The following AFDN variants were observed in gnomAD, a reference collection of about 807,000 sequenced individuals.
AFDN encodes the protein afadin.
A neutral mutation model predicts 216.6 loss-of-function variants in AFDN; 68 were observed. That is an observed-to-expected ratio of 0.31 (90% CI 0.26 to 0.38). The LOEUF (loss-of-function observed/expected upper bound fraction) is 0.38, where lower values mean the gene tolerates loss of function less well. AFDN is among the 10% of genes least tolerant of loss of function. The pLI is 1.00. For missense variants in AFDN, 2,136 were observed against 2,342.0 expected, an observed-to-expected ratio of 0.91 and a Z score of 1.82; for synonymous variants, 868 against 853.7, an observed-to-expected ratio of 1.02 and a Z score of -0.29.
At chr6:167,914,854 G>A in intron 18 of AFDN, 116 bp downstream of exon 18, 1 of 724,770 alleles carries the variant, frequency 1.4e-6, no homozygotes, top group African/African-American at 1.8e-5. Flanking sequence ...TGTCCTTTTG[G>A]GTTTGGCAAT....
intron 2 of AFDN, 116 bp downstream of exon 2, chr6:167,864,862 T>G (rs1783995959): frequency 9.1e-7 from 1 of 1,099,250 alleles, no homozygotes; most frequent in African/African-American, 1.5e-5. Context: ...TTTCTTCTCT[T>G]TTGGTGGGTA....
intron 2 of AFDN, among the ~76,000 whole-genome samples, chr6:167,870,176 G>A (rs1463313168): frequency 6.6e-6 from 1 of 152,134 alleles, no homozygotes; most frequent in African/African-American, 2.4e-5. Flanking sequence ...TCTGTTCAGT[G>A]TCTGGCACTG....
intron 30 of AFDN, among the ~76,000 whole-genome samples, chr6:167,957,991 T>C (rs1383447970): frequency 2.6e-5 from 4 of 152,150 alleles, no homozygotes; most frequent in Admixed American, 2.0e-4. Flanking sequence ...AAACCCACCA[T>C]GGGAGAGACT....
At chr6:167,834,151 AC>A (rs752589867) in intron 1 of AFDN, among the ~76,000 whole-genome samples, 1 of 152,094 alleles carries the variant, frequency 6.6e-6, no homozygotes, top group Non-Finnish European at 1.5e-5. Flanking sequence ...GTATATGGTT[AC>A]TTGAGTAAGT....
rs1187547184 is a variant in AFDN, at chr6:167,911,417, C to T, written c.1965C>T (p.Ser655=). 1.2e-6 allele frequency: 2 copies of T among 1,614,134 alleles called. No homozygotes were observed. The highest frequency in any genetic ancestry group is 3.3e-5 in the Admixed American group (2 of 60,018). Residue 655 remains serine, a synonymous_variant, in exon 15 of 34, where the codon AGC becomes AGT. Coordinates refer to ENST00000683244, the MANE Select transcript of AFDN (RefSeq NM_001386888.1). The stretch of plus-strand genomic sequence containing the variant: ...CCAACCAGTACAGACCTGACATCAG[C>T]CCTACAGAGCGCACACATAAAGTCA... ...VLSNQYRPDI[S]PTERTHKVIA...
Position 167,898,478 on chromosome 6 carries a change from T to C in AFDN, c.1580+11T>C. On this transcript the variant is annotated intron_variant, in intron 11 of 33. Coordinates refer to ENST00000683244, the MANE Select transcript of AFDN (RefSeq NM_001386888.1). ...AAGACATAAACCTGGGTAAATAGAT[T>C]AACCCTAAGATTTAAAATGTTTTGA... The C allele has an allele frequency of 6.2e-7, 1 of 1,611,010 alleles. No individual in the cohort carries two copies. Among genetic ancestry groups the C allele is most frequent in the East Asian group, 2.2e-5 (1 of 44,808 alleles).
chr6:167,887,977 G>A (rs1290689980), intron 6 of AFDN, among the ~76,000 whole-genome samples: 3 of 152,182 alleles, frequency 2.0e-5, no homozygotes, highest in African/African-American at 7.2e-5. Flanking sequence ...TAGAGAAGTT[G>A]TACTTAAGCT....
chr6:167,951,932 C>T lies in AFDN; in HGVS notation c.4578C>T (p.Asp1526=), dbSNP rs1485374092. The change falls in exon 30 of 34, where the codon GAC becomes GAT. Residue 1526 remains aspartate (D), a synonymous_variant. Transcript: ENST00000683244. This position sits in a 1 kb window ranked among gnomAD's most constrained non-coding sequence, Gnocchi z 7.1. The part of the protein sequence containing the change: ...DSLSPDPWKR[D]AKEKLEKQQQ... Reference sequence around the variant, plus strand: ...TGTCCCCCGACCCGTGGAAGCGGGACGCCAAGGAGAAGCTGGAGAAGCAGC... The same window carrying T: ...TGTCCCCCGACCCGTGGAAGCGGGATGCCAAGGAGAAGCTGGAGAAGCAGC... 1.1e-5 allele frequency: 17 copies of T among 1,614,074 alleles called. No individual in the cohort carries two copies. The highest frequency in any genetic ancestry group is 1.6e-4 in the Middle Eastern group (1 of 6,062).
chr6:167,919,802 A>G (rs371359286), intron 21 of AFDN, among the ~76,000 whole-genome samples: 3 of 152,234 alleles, frequency 2.0e-5, no homozygotes, highest in Admixed American at 6.5e-5. Flanking sequence ...TAAAGTAGAA[A>G]ACAGCTCAGA....
chr6:167,891,480 C>G (rs1787604683), intron 8 of AFDN, among the ~76,000 whole-genome samples: 2 of 146,898 alleles, frequency 1.4e-5, no homozygotes, highest in South Asian at 4.3e-4. Flanking sequence ...TGGACAGTGT[C>G]TAAAAAGAAT....
chr6:167,964,320 G>A (rs1313848905), intron 31 of AFDN: 2 of 1,064,042 alleles, frequency 1.9e-6, no homozygotes, highest in Non-Finnish European at 2.3e-6. Flanking sequence ...ATAACTAAAA[G>A]AGGATATTTT....
At position 167,966,017 on chromosome 6, in the gene AFDN, G is replaced by C; in HGVS notation, c.5229G>C (p.Glu1743Asp). The change falls in exon 32 of 34, where the codon GAG becomes GAC. Residue 1743 changes from glutamate (E) to aspartate (D), a missense_variant. Around this residue, in one of 8 missense-constraint regions of AFDN, gnomAD observed 981 missense variants for 966.0 expected, o/e 1.02. Coordinates refer to ENST00000683244, the MANE Select transcript of AFDN (RefSeq NM_001386888.1). ...CCAAGTTTGTTGCATACAATGAGGA[G>C]GAGGAGGAGGAGGACTGCAGCCTAG... ...FTAKFVAYNE[E>D]EEEEDCSLAG... The C allele has an allele frequency of 1.3e-6, 2 of 1,547,542 alleles. No homozygotes were observed. Among genetic ancestry groups the C allele is most frequent in the South Asian group, 2.4e-5 (2 of 84,028 alleles).
At chr6:167,869,415 TG>T (rs1712966490) in intron 2 of AFDN, among the ~76,000 whole-genome samples, 1 of 152,148 alleles carries the variant, frequency 6.6e-6, no homozygotes, top group South Asian at 2.1e-4. Flanking sequence ...AAGAAAGATT[TG>T]GGTAGGTCAC....
intron 2 of AFDN, among the ~76,000 whole-genome samples, chr6:167,866,467 A>G (rs900353003): frequency 6.6e-6 from 1 of 152,248 alleles, no homozygotes; most frequent in African/African-American, 2.4e-5. Context: ...AATACCTAAT[A>G]GTCCGTTTCA....
intron 1 of AFDN, among the ~76,000 whole-genome samples, chr6:167,830,113 C>T (rs1300920710): frequency 6.6e-6 from 1 of 152,220 alleles, no homozygotes. Flanking sequence ...CTCACAGAAA[C>T]TCCTTAAAGT....
chr6:167,957,466 C>T lies in AFDN; in HGVS notation c.4834-4967C>T, dbSNP rs527855598. Among the ~76,000 whole-genome samples, 202 of 152,254 alleles carry T rather than the reference C, an allele frequency of 1.3e-3. 1 individual carries two copies. Among genetic ancestry groups the T allele is most frequent in the African/African-American group, 4.6e-3 (191 of 41,540 alleles). On this transcript the variant is annotated intron_variant, in intron 30 of 33. Coordinates refer to ENST00000683244, the MANE Select transcript of AFDN (RefSeq NM_001386888.1). ...GTGTGACCTTCCTGACTGTTAGCAT[C>T]TCAAGAGTAAAGCTGTTACTAGGTT... is the stretch of plus-strand genomic sequence containing the variant.
chr6:167,969,563 G>A (rs955450953), intron 33 of AFDN, among the ~76,000 whole-genome samples: 1 of 152,186 alleles, frequency 6.6e-6, no homozygotes, highest in Non-Finnish European at 1.5e-5. Context: ...AGTTGACTAT[G>A]ACTGGGAAAA....
intron 1 of AFDN, among the ~76,000 whole-genome samples, chr6:167,853,525 G>A (rs952819850): frequency 2.6e-4 from 39 of 151,984 alleles, no homozygotes; most frequent in African/African-American, 8.9e-4. Flanking sequence ...ATTTCAGTTT[G>A]TTTTATGTTT....
At chr6:167,913,286 G>C in intron 15 of AFDN, 117 bp from the exon 16 acceptor site, 1 of 966,220 alleles carries the variant, frequency 1.0e-6, no homozygotes, top group Non-Finnish European at 1.6e-6. Context: ...ATAACTAAAT[G>C]TCGTACCTTC....
Sources: allele counts gnomAD v4.1 joint callset (sites outside exome capture counted in the v4.1 genomes callset), GRCh38; gene constraint gnomAD v4.1.1; regional missense constraint gnomAD v4.1.1; non-coding constraint Gnocchi (gnomAD v3.1); transcripts MANE v1.5; gene names NCBI Gene and HGNC (gene_info 2026-07-23, HGNC 2026-07-21).